The following EZH1 variants were observed in gnomAD, a reference collection of about 807,000 sequenced individuals.
EZH1 encodes the protein histone-lysine N-methyltransferase EZH1.
EZH1 carries 33 observed loss-of-function variants against 100.5 expected under a neutral mutation model. That is an observed-to-expected ratio of 0.33 (90% CI 0.25 to 0.44). EZH1 has a LOEUF of 0.44. EZH1 is among the 20% of genes least tolerant of loss of function. The pLI, the probability that EZH1 is intolerant of heterozygous loss-of-function variation, is 1.00. For synonymous variants in EZH1, 272 were observed against 313.8 expected (o/e 0.87, Z 1.41); for missense variants, 475 against 928.4 (o/e 0.51, Z 6.35).
intron 6 of EZH1, among the ~76,000 whole-genome samples, chr17:42,720,698 T>C (rs62078421): frequency 4.9e-4 from 74 of 152,170 alleles, no homozygotes; most frequent in Non-Finnish European, 9.1e-4. Flanking sequence ...TTCGCCTTAT[T>C]GCCCAGGCTG....
At chr17:42,716,297 A>G (rs2053603560) in intron 10 of EZH1, among the ~76,000 whole-genome samples, 1 of 152,212 alleles carries the variant, frequency 6.6e-6, no homozygotes, top group Admixed American at 6.5e-5. Flanking sequence ...TGAGCATCAC[A>G]ATGTCTGCAA....
chr17:42,706,237 G>C lies in EZH1; in HGVS notation c.1661-52C>G. The C allele has an allele frequency of 2.0e-6, 3 of 1,492,116 alleles. No homozygotes were observed. Among genetic ancestry groups the C allele is most frequent in the Non-Finnish European group, 1.8e-6 (2 of 1,105,530 alleles). 92.4% of individuals were successfully genotyped at this position (1,492,116 alleles called of 1,614,324 possible). On this transcript the variant is annotated intron_variant, in intron 15 of 20. Transcript: ENST00000428826. The surrounding 1 kb of genome is among the most constrained non-coding windows in gnomAD (Gnocchi z 4.4). Reference sequence around the variant, plus strand: ...AGAAGGGAAATAAGCTAATACTGGGGCTTGTGGTTGACTCAAGGGACAGCA... The same window carrying C: ...AGAAGGGAAATAAGCTAATACTGGGCCTTGTGGTTGACTCAAGGGACAGCA...
At chr17:42,708,638 G>A (rs1231423427) in intron 14 of EZH1, among the ~76,000 whole-genome samples, 1 of 152,186 alleles carries the variant, frequency 6.6e-6, no homozygotes, top group Non-Finnish European at 1.5e-5. Flanking sequence ...CTGGGTGACA[G>A]AGCGAGGCTC....
intron 2 of EZH1, among the ~76,000 whole-genome samples, chr17:42,730,287 C>A (rs953539456): frequency 1.3e-5 from 2 of 152,078 alleles, no homozygotes; most frequent in African/African-American, 4.8e-5. Flanking sequence ...CCAAGGGTTT[C>A]ATGGAAAGAT....
chr17:42,707,398 A>G (rs7224027), intron 15 of EZH1, among the ~76,000 whole-genome samples: 31 of 152,160 alleles, frequency 2.0e-4, no homozygotes, highest in African/African-American at 7.5e-4. Context: ...AGTAGCTGGG[A>G]CTACAAGCAT....
chr17:42,737,570 C>T lies in EZH1; in HGVS notation c.-102-6652G>A, dbSNP rs1045919811. ...GGAGCAAGCTGTGACTGCGCCATTG[C>T]ACTCCAGCCTGGGTGACAGAGTGAG... On this transcript the variant is annotated intron_variant, in intron 1 of 20. Coordinates refer to ENST00000428826, the MANE Select transcript of EZH1 (RefSeq NM_001991.5). 2.6e-5 allele frequency among the ~76,000 whole-genome samples: 4 copies of T among 152,218 alleles called. No homozygotes were observed. The East Asian group carries it at 5.8e-4, about 22-fold the overall frequency.
chr17:42,732,349 G>C (rs2053966872), intron 1 of EZH1, among the ~76,000 whole-genome samples: 1 of 152,084 alleles, frequency 6.6e-6, no homozygotes, highest in East Asian at 1.9e-4. Context: ...TAAAGGAAAA[G>C]AGGCTGGGTG....
intron 2 of EZH1, 176 bp from the exon 3 acceptor site, chr17:42,729,128 A>C (rs1411339294): frequency 6.7e-6 from 4 of 598,202 alleles, no homozygotes; most frequent in Non-Finnish European, 1.1e-5. Flanking sequence ...ATTTAAAAAA[A>C]AGAGGCAGGG....
intron 1 of EZH1, among the ~76,000 whole-genome samples, chr17:42,732,916 C>T (rs764027223): frequency 6.6e-6 from 1 of 151,624 alleles, no homozygotes; most frequent in Admixed American, 6.6e-5. Context: ...TGCACCACTG[C>T]GCTCCAGCCT....
At chr17:42,730,487 C>CTTTTT (rs1156867481) in intron 2 of EZH1, among the ~76,000 whole-genome samples, 15 of 66,668 alleles carry the variant, frequency 2.2e-4, no homozygotes, top group African/African-American at 2.9e-4. Context: ...AGTATGTATT[C>CTTTTT]TTTTTTTTTT....
chr17:42,712,597 G>A (rs1046604933), intron 11 of EZH1, 112 bp from the exon 12 acceptor site: 3 of 1,093,394 alleles, frequency 2.7e-6, no homozygotes, highest in South Asian at 3.1e-5. Context: ...GAACAGTTAG[G>A]AATGAAAATA....
chr17:42,724,450 A>C (rs773397379), intron 4 of EZH1, 26 bp from the exon 5 acceptor site: 1 of 1,610,678 alleles, frequency 6.2e-7, no homozygotes, highest in African/African-American at 1.3e-5. Flanking sequence ...TGACATGGAG[A>C]GGGAAAGACG....
chr17:42,728,320 G>C (rs2053865669), intron 3 of EZH1, among the ~76,000 whole-genome samples: 1 of 149,158 alleles, frequency 6.7e-6, no homozygotes, highest in Non-Finnish European at 1.5e-5. Context: ...CACCAGGTAG[G>C]ACAGGCTGGT....
chr17:42,704,952 G>T, intron 17 of EZH1, 136 bp downstream of exon 17: 1 of 745,912 alleles, frequency 1.3e-6, no homozygotes, highest in African/African-American at 1.8e-5. Flanking sequence ...GGTTCTGTGG[G>T]ATCTCCCCAA....
Position 42,718,714 on chromosome 17 carries a change from A to C in EZH1, c.768-97T>G. ...GACAGTAGCTCACCTACGGTCTGCC[A>C]AGGGAGGATGGGTGTTTTTTATAGG... On this transcript the variant is annotated intron_variant, in intron 8 of 20. Coordinates refer to ENST00000428826, the MANE Select transcript of EZH1 (RefSeq NM_001991.5). This position sits in a 1 kb window ranked among gnomAD's most constrained non-coding sequence, Gnocchi z 4.2. 1 of 1,306,488 alleles carries C rather than the reference A, an allele frequency of 7.7e-7. No individual in the cohort carries two copies. The highest frequency in any genetic ancestry group is 2.1e-5 in the Admixed American group (1 of 48,258). The allele number at this position is 1,306,488 out of a possible 1,614,324, so 80.9% of individuals were successfully genotyped here.
intron 10 of EZH1, among the ~76,000 whole-genome samples, chr17:42,717,675 C>G (rs117294604): frequency 6.6e-5 from 10 of 152,230 alleles, no homozygotes; most frequent in Non-Finnish European, 1.0e-4. Context: ...ACCCACCCCC[C>G]CAGCATACAC....
At chr17:42,702,990 T>C (rs1567981927) in intron 19 of EZH1, 29 bp from the exon 20 acceptor site, 5 of 1,610,040 alleles carry the variant, frequency 3.1e-6, no homozygotes, top group Non-Finnish European at 3.4e-6. Flanking sequence ...CGAGGCTAGG[T>C]TCCTACCCAA....
At chr17:42,724,538 A>G in intron 4 of EZH1, 114 bp from the exon 5 acceptor site, 1 of 1,305,910 alleles carries the variant, frequency 7.7e-7, no homozygotes, top group Admixed American at 2.0e-5. Flanking sequence ...TAATCCCAGC[A>G]CTTTGGGAGG....
At chr17:42,722,113 C>T (rs1431530144) in intron 6 of EZH1, among the ~76,000 whole-genome samples, 3 of 138,012 alleles carry the variant, frequency 2.2e-5, no homozygotes, top group African/African-American at 5.5e-5. Flanking sequence ...TGTGCCACTG[C>T]GCTCCAGCCT....
Sources: gnomAD v4.1 joint callset for allele counts (sites outside exome capture counted in the v4.1 genomes callset) on GRCh38, gnomAD v4.1.1 for gene constraint, Gnocchi (gnomAD v3.1) non-coding constraint, MANE v1.5 for transcripts, NCBI Gene and HGNC (gene_info 2026-07-23, HGNC 2026-07-21) for gene names.